Variants in MAPKAP1 observed in about 807,000 individuals in gnomAD.
MAPKAP1 encodes target of rapamycin complex 2 subunit MAPKAP1.
Under a neutral mutation model 65.7 loss-of-function variants are expected in MAPKAP1, and 20 were observed. That is an observed-to-expected ratio of 0.30 (90% CI 0.21 to 0.44). The LOEUF (loss-of-function observed/expected upper bound fraction) is 0.44. Ranked by LOEUF, MAPKAP1 falls within the 20% of genes least tolerant of loss-of-function variation. The pLI is 1.00. For missense variants in MAPKAP1, 423 were observed against 648.0 expected, an observed-to-expected ratio of 0.65 and a Z score of 3.77; for synonymous variants, 222 against 244.3, an observed-to-expected ratio of 0.91 and a Z score of 0.85.
chr9:125,538,999 G>A (rs530869159), intron 7 of MAPKAP1, among the ~76,000 whole-genome samples: 13 of 152,272 alleles, frequency 8.5e-5, no homozygotes, highest in Non-Finnish European at 1.6e-4. Flanking sequence ...GCTCCTAGTA[G>A]TACTTGGCGG....
At chr9:125,642,233 A>AG (rs1012914339) in intron 4 of MAPKAP1, among the ~76,000 whole-genome samples, 1 of 152,066 alleles carries the variant, frequency 6.6e-6, no homozygotes, top group African/African-American at 2.4e-5. Flanking sequence ...AGGAAGAAAA[A>AG]GAAAAAAAAA....
At chr9:125,534,791 C>T (rs947432777) in intron 7 of MAPKAP1, among the ~76,000 whole-genome samples, 1 of 152,200 alleles carries the variant, frequency 6.6e-6, no homozygotes, top group Non-Finnish European at 1.5e-5. Flanking sequence ...TCTTTCCCAT[C>T]CCTCTTTACC....
At chr9:125,686,193 G>T (rs1173030045) in intron 1 of MAPKAP1, among the ~76,000 whole-genome samples, 1 of 151,624 alleles carries the variant, frequency 6.6e-6, no homozygotes, top group Non-Finnish European at 1.5e-5. Context: ...GGTGGTGGTG[G>T]GCGCCTGTAC....
intron 10 of MAPKAP1, among the ~76,000 whole-genome samples, chr9:125,462,441 C>T (rs1246431176): frequency 1.3e-5 from 2 of 152,230 alleles, no homozygotes; most frequent in Non-Finnish European, 2.9e-5. Flanking sequence ...CAATCCCCTG[C>T]AGCTGGAATG....
chr9:125,662,407 G>C (rs1270884891), intron 3 of MAPKAP1, among the ~76,000 whole-genome samples: 2 of 152,136 alleles, frequency 1.3e-5, no homozygotes, highest in African/African-American at 4.8e-5. Flanking sequence ...TTCCTGACTG[G>C]GCACGGTGGC....
At chr9:125,688,322 G>A (rs1564617554) in intron 1 of MAPKAP1, among the ~76,000 whole-genome samples, 1 of 152,090 alleles carries the variant, frequency 6.6e-6, no homozygotes, top group Non-Finnish European at 1.5e-5. Flanking sequence ...ATTTTTAGTA[G>A]AGACCGGGTT....
At chr9:125,440,453 T>G (rs1161170044) in intron 11 of MAPKAP1, among the ~76,000 whole-genome samples, 3 of 152,058 alleles carry the variant, frequency 2.0e-5, no homozygotes, top group African/African-American at 7.2e-5. Flanking sequence ...TATCTAAAAG[T>G]TTTGACTAGA....
At chr9:125,559,287 A>T (rs1462007323) in intron 6 of MAPKAP1, 3 of 169,718 alleles carry the variant, frequency 1.8e-5, no homozygotes, top group Non-Finnish European at 3.7e-5. Flanking sequence ...GCCACAGTGC[A>T]CATTTTCAGT....
At chr9:125,674,842 G>A (rs772583972) in intron 1 of MAPKAP1, among the ~76,000 whole-genome samples, 11 of 152,124 alleles carry the variant, frequency 7.2e-5, no homozygotes, top group Non-Finnish European at 1.0e-4. Context: ...GAATCAAAAA[G>A]TTAATACCCT....
Position 125,472,150 on chromosome 9 carries a change from C to A in MAPKAP1, c.1208-4041G>T. 1.3e-5 allele frequency among the ~76,000 whole-genome samples: 2 copies of A among 152,202 alleles called. 1 individual carries two copies. Among genetic ancestry groups the A allele is most frequent in the Admixed American group, 1.3e-4 (2 of 15,288 alleles). On this transcript the variant is annotated intron_variant, in intron 9 of 11. Coordinates refer to ENST00000265960, the MANE Select transcript of MAPKAP1 (RefSeq NM_001006617.3). ...CCAGAATGTGTCCCCTCAGCCACTA[C>A]ACTATTCTGCAAGAACTGTGCTAAA...
chr9:125,546,166 G>A (rs558682026), intron 6 of MAPKAP1, among the ~76,000 whole-genome samples: 4 of 152,210 alleles, frequency 2.6e-5, no homozygotes, highest in African/African-American at 9.6e-5. Flanking sequence ...GAAGGGAAGG[G>A]GCACACACGG....
chr9:125,535,789 C>T (rs369809442), intron 7 of MAPKAP1, among the ~76,000 whole-genome samples: 1 of 152,202 alleles, frequency 6.6e-6, no homozygotes, highest in African/African-American at 2.4e-5. Context: ...ATTAAATTGG[C>T]GGTGCTCTAG....
chr9:125,520,060 G>C (rs1354848090), intron 7 of MAPKAP1, among the ~76,000 whole-genome samples: 1 of 152,110 alleles, frequency 6.6e-6, no homozygotes, highest in Non-Finnish European at 1.5e-5. Flanking sequence ...AGACTCCTTG[G>C]GTGTGAAGTC....
intron 4 of MAPKAP1, among the ~76,000 whole-genome samples, chr9:125,654,127 A>C (rs1022901473): frequency 8.5e-5 from 13 of 152,184 alleles, no homozygotes; most frequent in Non-Finnish European, 1.5e-4. Context: ...TGAGGCACGT[A>C]AATTAGTGCT....
At chr9:125,566,075 C>T (rs1165976410) in intron 5 of MAPKAP1, among the ~76,000 whole-genome samples, 2 of 152,202 alleles carry the variant, frequency 1.3e-5, no homozygotes, top group Non-Finnish European at 2.9e-5. Flanking sequence ...TTTTAGCACA[C>T]ACCTGAAGAA....
chr9:125,700,110 G>A (rs1835551573), intron 1 of MAPKAP1, among the ~76,000 whole-genome samples: 1 of 152,162 alleles, frequency 6.6e-6, no homozygotes, highest in Non-Finnish European at 1.5e-5. Context: ...AAATCCAAGC[G>A]GGTCTGCCCA....
chr9:125,576,946 C>A (rs1363712426), intron 5 of MAPKAP1, among the ~76,000 whole-genome samples: 4 of 152,156 alleles, frequency 2.6e-5, no homozygotes, highest in Non-Finnish European at 5.9e-5. Flanking sequence ...GCCACCCCGT[C>A]TGGGAAGTGA....
At chr9:125,521,294 A>AT (rs1049324847) in intron 7 of MAPKAP1, among the ~76,000 whole-genome samples, 2 of 110,150 alleles carry the variant, frequency 1.8e-5, no homozygotes, top group South Asian at 2.6e-4. Context: ...AAAAAAGGAA[A>AT]TTTTTTTTTC....
chr9:125,652,161 G>C, intron 4 of MAPKAP1: 1 of 1,309,124 alleles, frequency 7.6e-7, no homozygotes, highest in South Asian at 1.2e-5. Flanking sequence ...ATGCTTTTCT[G>C]CAAAGTTTTA....
Sources: gnomAD v4.1 joint callset for allele counts (sites outside exome capture counted in the v4.1 genomes callset) on GRCh38, gnomAD v4.1.1 for gene constraint, MANE v1.5 for transcripts, NCBI Gene and HGNC (gene_info 2026-07-23, HGNC 2026-07-21) for gene names.